RTN1: variants seen among roughly 807,000 people sequenced by gnomAD.
RTN1 encodes the protein reticulon 1.
A neutral mutation model predicts 65.5 loss-of-function variants in RTN1; 25 were observed. That is an observed-to-expected ratio of 0.38 (90% CI 0.28 to 0.53). The LOEUF is 0.53. RTN1 is among the 20% of genes least tolerant of loss of function. RTN1 has a pLI of 0.79. For synonymous variants in RTN1, 471 were observed against 447.6 expected, an observed-to-expected ratio of 1.05 and a Z score of -0.66; for missense variants, 983 against 1,025.4, an observed-to-expected ratio of 0.96 and a Z score of 0.57.
At chr14:59,865,842 T>C (rs1351524212) in intron 1 of RTN1, among the ~76,000 whole-genome samples, 1 of 152,202 alleles carries the variant, frequency 6.6e-6, no homozygotes, top group Non-Finnish European at 1.5e-5. Flanking sequence ...CACAACTAAC[T>C]AATCCAAAGA....
chr14:59,749,027 G>C (rs1169039462), intron 1 of RTN1, among the ~76,000 whole-genome samples: 1 of 149,482 alleles, frequency 6.7e-6, no homozygotes, highest in African/African-American at 2.5e-5. Context: ...GACCTCAGGT[G>C]ATCCTCCCAC....
At chr14:59,676,806 G>T (rs1286211232) in intron 3 of RTN1, among the ~76,000 whole-genome samples, 1 of 152,110 alleles carries the variant, frequency 6.6e-6, no homozygotes, top group African/African-American at 2.4e-5. Flanking sequence ...CTTAAACACT[G>T]AAAAAATAGT....
intron 3 of RTN1, among the ~76,000 whole-genome samples, chr14:59,639,488 G>T (rs1281375218): frequency 6.6e-6 from 1 of 152,082 alleles, no homozygotes; most frequent in Non-Finnish European, 1.5e-5. Flanking sequence ...ATAAAAATGG[G>T]TTTATTTTTT....
At chr14:59,812,757 GA>G (rs1490790634) in intron 1 of RTN1, among the ~76,000 whole-genome samples, 1 of 152,140 alleles carries the variant, frequency 6.6e-6, no homozygotes, top group Non-Finnish European at 1.5e-5. Flanking sequence ...AAATGCATTG[GA>G]ATGAACACAC....
intron 1 of RTN1, among the ~76,000 whole-genome samples, chr14:59,860,976 G>A (rs1395423161): frequency 6.6e-6 from 1 of 152,208 alleles, no homozygotes; most frequent in Non-Finnish European, 1.5e-5. Flanking sequence ...CTTATAGGCA[G>A]AAGAGACTTC....
At chr14:59,841,149 T>C (rs1448621046) in intron 1 of RTN1, among the ~76,000 whole-genome samples, 3 of 152,126 alleles carry the variant, frequency 2.0e-5, no homozygotes, top group Admixed American at 6.5e-5. Context: ...TAGAATTTGA[T>C]AGGTTAAGGA....
At chr14:59,719,542 G>C (rs1028696820) in intron 3 of RTN1, among the ~76,000 whole-genome samples, 10 of 152,228 alleles carry the variant, frequency 6.6e-5, no homozygotes, top group Admixed American at 5.9e-4. Flanking sequence ...TACATTGCTA[G>C]TGTCAGGCAC....
chr14:59,706,772 A>G (rs1884303137), intron 3 of RTN1, among the ~76,000 whole-genome samples: 1 of 152,216 alleles, frequency 6.6e-6, no homozygotes, highest in Non-Finnish European at 1.5e-5. Context: ...ACTGACCTTT[A>G]AAGAGCTTAG....
intron 3 of RTN1, among the ~76,000 whole-genome samples, chr14:59,670,959 T>C (rs1467127988): frequency 4.6e-5 from 7 of 152,190 alleles, no homozygotes; most frequent in African/African-American, 1.7e-4. Context: ...CTTTCAGGAC[T>C]TTCTAATCTG....
chr14:59,745,313 G>C (rs1001902812), intron 2 of RTN1, among the ~76,000 whole-genome samples: 1 of 152,082 alleles, frequency 6.6e-6, no homozygotes, highest in Non-Finnish European at 1.5e-5. Flanking sequence ...TCTGTTATAA[G>C]CAACACAAAA....
intron 3 of RTN1, among the ~76,000 whole-genome samples, chr14:59,636,208 A>T (rs867209387): frequency 6.6e-6 from 1 of 152,174 alleles, no homozygotes; most frequent in Non-Finnish European, 1.5e-5. Flanking sequence ...ATGATTCCCA[A>T]TGTTGGAGGT....
chr14:59,738,739 A>C (rs1038587629), intron 2 of RTN1, among the ~76,000 whole-genome samples: 4 of 152,208 alleles, frequency 2.6e-5, no homozygotes, highest in Admixed American at 1.3e-4. Context: ...TAGCGAAGAC[A>C]TGGAGCCAAC....
chr14:59,664,613 T>C (rs1883326720), intron 3 of RTN1, among the ~76,000 whole-genome samples: 1 of 152,188 alleles, frequency 6.6e-6, no homozygotes, highest in South Asian at 2.1e-4. Context: ...CCCATGTGTA[T>C]TAACTATATT....
intron 1 of RTN1, among the ~76,000 whole-genome samples, chr14:59,804,701 G>A (rs1886605259): frequency 6.6e-6 from 1 of 152,110 alleles, no homozygotes; most frequent in Non-Finnish European, 1.5e-5. Flanking sequence ...TTAAAAACTA[G>A]AAAGCCAGCC....
chr14:59,604,158 T>C (rs777786387), intron 5 of RTN1: 7 of 270,480 alleles, frequency 2.6e-5, no homozygotes, highest in Non-Finnish European at 4.3e-5. Flanking sequence ...GAAATAATAA[T>C]CTACGAAGCT....
At chr14:59,723,582 C>T (rs1180212846) in intron 3 of RTN1, among the ~76,000 whole-genome samples, 1 of 152,036 alleles carries the variant, frequency 6.6e-6, no homozygotes, top group Non-Finnish European at 1.5e-5. Flanking sequence ...CTCCACTGCA[C>T]TCCAGCCTGG....
Position 59,727,312 on chromosome 14 carries a change from G to T in RTN1, c.1372C>A (p.Arg458Ser). 1 of 1,495,620 alleles carries T rather than the reference G, an allele frequency of 6.7e-7. No homozygotes were observed. 92.6% of individuals were successfully genotyped at this position (1,495,620 alleles called of 1,614,324 possible). ...SIQYSILREE[R>S]EAELDSELII... is the part of the protein sequence containing the mutation. Reference sequence around the variant, plus strand: ...AGCTCGCTGTCCAGCTCGGCCTCGCGCTCCTCCCTCAGGATGCTGTACTGG... The same window carrying T: ...AGCTCGCTGTCCAGCTCGGCCTCGCTCTCCTCCCTCAGGATGCTGTACTGG... Residue 458 changes from arginine to serine, a missense_variant, in exon 3 of 9, where the codon CGC (arginine) becomes AGC (serine). By Grantham distance (110) the Arg-to-Ser change is moderately radical. This residue lies in a region of RTN1 where 818 missense variants were observed against 801.8 expected (regional missense o/e 1.02). Transcript: ENST00000267484. The surrounding 1 kb of genome is among the most constrained non-coding windows in gnomAD (Gnocchi z 4.2).
At chr14:59,640,243 A>T (rs1038414719) in intron 3 of RTN1, among the ~76,000 whole-genome samples, 1 of 152,154 alleles carries the variant, frequency 6.6e-6, no homozygotes, top group African/African-American at 2.4e-5. Flanking sequence ...TTCTAATTCC[A>T]TTTTTAAATT....
At chr14:59,864,394 C>T (rs1887762237) in intron 1 of RTN1, among the ~76,000 whole-genome samples, 1 of 152,154 alleles carries the variant, frequency 6.6e-6, no homozygotes, top group Non-Finnish European at 1.5e-5. Flanking sequence ...TCCTTCAAGT[C>T]TGTGCTTTAA....
Sources: gnomAD v4.1 joint callset for allele counts (sites outside exome capture counted in the v4.1 genomes callset) on GRCh38, gnomAD v4.1.1 for gene constraint, gnomAD v4.1.1 regional missense constraint, Gnocchi (gnomAD v3.1) non-coding constraint, MANE v1.5 for transcripts, NCBI Gene and HGNC (gene_info 2026-07-23, HGNC 2026-07-21) for gene names.